ARHGAP24: variants seen among roughly 807,000 people sequenced by gnomAD.
ARHGAP24 encodes Rho GTPase activating protein 24.
ARHGAP24 carries 50 observed loss-of-function variants against 76.4 expected under a neutral mutation model. That is an observed-to-expected ratio of 0.65 (90% CI 0.52 to 0.83). The LOEUF (loss-of-function observed/expected upper bound fraction) is 0.83, where lower values mean the gene tolerates loss of function less well. Among genes scored for constraint, ARHGAP24 ranks in the 40% least tolerant of loss-of-function variants. The pLI is 0.00. For synonymous variants in ARHGAP24, 345 were observed against 323.3 expected (o/e 1.07, Z -0.72); for missense variants, 930 against 914.2 (o/e 1.02, Z -0.22).
At chr4:85,570,437 T>TTTTTTC in intron 1 of ARHGAP24, 85 bp from the exon 2 acceptor site, 2 of 772,264 alleles carry the variant, frequency 2.6e-6, no homozygotes, top group Non-Finnish European at 4.0e-6. Flanking sequence ...CTCTCTTTTT[T>TTTTTTC]TTTTTCTGGA....
At chr4:85,630,142 A>G (rs1484147073) in intron 2 of ARHGAP24, among the ~76,000 whole-genome samples, 1 of 152,106 alleles carries the variant, frequency 6.6e-6, no homozygotes, top group Non-Finnish European at 1.5e-5. Flanking sequence ...ATCTTTTTAT[A>G]GAATTTTTCA....
chr4:85,560,036 TG>T (rs1268702026), intron 1 of ARHGAP24, among the ~76,000 whole-genome samples: 1 of 152,176 alleles, frequency 6.6e-6, no homozygotes, highest in East Asian at 1.9e-4. Context: ...AGATGGCATC[TG>T]GGGGTGAACA....
intron 2 of ARHGAP24, among the ~76,000 whole-genome samples, chr4:85,655,404 T>C (rs1424446259): frequency 6.6e-6 from 1 of 152,182 alleles, no homozygotes; most frequent in Non-Finnish European, 1.5e-5. Flanking sequence ...GGAATTTTAA[T>C]TCTTATTCAT....
chr4:85,668,826 T>C (rs1015656684), intron 2 of ARHGAP24, among the ~76,000 whole-genome samples: 43 of 152,084 alleles, frequency 2.8e-4, no homozygotes, highest in African/African-American at 9.9e-4. Flanking sequence ...ATGTTGGATA[T>C]GTACTTTAGA....
intron 3 of ARHGAP24, among the ~76,000 whole-genome samples, chr4:85,895,822 T>G (rs1734146083): frequency 6.6e-6 from 1 of 152,158 alleles, no homozygotes; most frequent in Non-Finnish European, 1.5e-5. Context: ...CATTTACATG[T>G]TATTTCTCAG....
At chr4:85,546,715 G>A (rs1160590493) in intron 1 of ARHGAP24, among the ~76,000 whole-genome samples, 1 of 152,122 alleles carries the variant, frequency 6.6e-6, no homozygotes, top group East Asian at 1.9e-4. Flanking sequence ...ATTGGTGGTG[G>A]TCCAAAGAAG....
rs1168275590 is a variant in ARHGAP24, at chr4:85,536,420, A to G, written c.-20-34102A>G. On this transcript the variant is annotated intron_variant, in intron 1 of 9. Coordinates refer to ENST00000395184, the MANE Select transcript of ARHGAP24 (RefSeq NM_001025616.3). Reference sequence around the variant, plus strand: ...TAAATGATTTTCTTTTCAGATGACTATTGGAATAGTGAGTAATATATACTA... The same window carrying G: ...TAAATGATTTTCTTTTCAGATGACTGTTGGAATAGTGAGTAATATATACTA... 2.0e-5 allele frequency among the ~76,000 whole-genome samples: 3 copies of G among 152,222 alleles called. No homozygotes were observed. In the East Asian group the frequency reaches 5.8e-4, roughly 29 times the overall value.
intron 5 of ARHGAP24, among the ~76,000 whole-genome samples, chr4:85,950,131 A>G (rs975604001): frequency 2.6e-5 from 4 of 152,134 alleles, no homozygotes; most frequent in African/African-American, 7.2e-5. Flanking sequence ...GGCATGTTGC[A>G]GGTAGAAGAA....
At chr4:85,915,890 T>C (rs1735358552) in intron 3 of ARHGAP24, among the ~76,000 whole-genome samples, 1 of 152,208 alleles carries the variant, frequency 6.6e-6, no homozygotes, top group South Asian at 2.1e-4. Context: ...TACGTGTGCA[T>C]GTGTCTTTAT....
chr4:85,497,306 T>G (rs766382332), intron 1 of ARHGAP24, among the ~76,000 whole-genome samples: 1 of 152,222 alleles, frequency 6.6e-6, no homozygotes, highest in Non-Finnish European at 1.5e-5. Context: ...TCTGTCAAAG[T>G]ACTCTGTGTA....
At chr4:85,849,478 C>T (rs1202473703) in intron 3 of ARHGAP24, among the ~76,000 whole-genome samples, 4 of 152,216 alleles carry the variant, frequency 2.6e-5, no homozygotes, top group Non-Finnish European at 5.9e-5. Context: ...GAACTTCCAA[C>T]ACTATTTTGA....
chr4:85,918,743 A>G (rs1735557584), intron 3 of ARHGAP24, among the ~76,000 whole-genome samples: 1 of 152,176 alleles, frequency 6.6e-6, no homozygotes, highest in Non-Finnish European at 1.5e-5. Context: ...AATATATAGC[A>G]TATCTCAACA....
At chr4:85,865,862 C>T (rs918535340) in intron 3 of ARHGAP24, among the ~76,000 whole-genome samples, 1 of 151,806 alleles carries the variant, frequency 6.6e-6, no homozygotes, top group Non-Finnish European at 1.5e-5. Context: ...TTATCTACAA[C>T]GTATTCCCTG....
chr4:85,587,077 G>A (rs1228306368), intron 2 of ARHGAP24, among the ~76,000 whole-genome samples: 1 of 152,094 alleles, frequency 6.6e-6, no homozygotes, highest in Non-Finnish European at 1.5e-5. Flanking sequence ...GTAGATTGAT[G>A]AATTCTCTAT....
chr4:85,632,438 C>A (rs1721186472), intron 2 of ARHGAP24, among the ~76,000 whole-genome samples: 1 of 151,932 alleles, frequency 6.6e-6, no homozygotes, highest in Non-Finnish European at 1.5e-5. Context: ...ATGCTTGGGG[C>A]AGTAGGCATT....
intron 2 of ARHGAP24, among the ~76,000 whole-genome samples, chr4:85,577,503 C>T (rs989615872): frequency 6.6e-6 from 1 of 152,062 alleles, no homozygotes; most frequent in African/African-American, 2.4e-5. Context: ...TTAGATAGTA[C>T]TGAGTCACAT....
chr4:85,647,225 CGTCATAGTTGTA>C (rs1269886569), intron 2 of ARHGAP24, among the ~76,000 whole-genome samples: 1 of 151,936 alleles, frequency 6.6e-6, no homozygotes, highest in Non-Finnish European at 1.5e-5. Flanking sequence ...TAGTAGACAT[CGTCATAGTTGTA>C]GTCATAGTTG....
chr4:85,537,121 T>C (rs1725497915), intron 1 of ARHGAP24, among the ~76,000 whole-genome samples: 1 of 152,110 alleles, frequency 6.6e-6, no homozygotes, highest in African/African-American at 2.4e-5. Context: ...GGTGTTTTTT[T>C]CCATAGTCTC....
At chr4:85,795,382 A>T (rs1214761690) in intron 3 of ARHGAP24, among the ~76,000 whole-genome samples, 2 of 152,138 alleles carry the variant, frequency 1.3e-5, no homozygotes, top group Non-Finnish European at 2.9e-5. Context: ...AGCATAATAG[A>T]GTTGACACCC....
Sources: allele counts gnomAD v4.1 joint callset (sites outside exome capture counted in the v4.1 genomes callset), GRCh38; gene constraint gnomAD v4.1.1; transcripts MANE v1.5; gene names NCBI Gene and HGNC (gene_info 2026-07-23, HGNC 2026-07-21).